FARS2: variants seen among roughly 807,000 people sequenced by gnomAD.
FARS2 encodes phenylalanine--tRNA ligase, mitochondrial.
Under a neutral mutation model 46.4 loss-of-function variants are expected in FARS2, and 40 were observed. That is an observed-to-expected ratio of 0.86 (90% CI 0.67 to 1.12). FARS2 has a LOEUF of 1.12. FARS2 is among the 50% of genes most tolerant of loss of function. The pLI, the probability that FARS2 is intolerant of heterozygous loss-of-function variation, is 0.00. For synonymous variants in FARS2, 234 were observed against 214.9 expected (o/e 1.09, Z -0.78); for missense variants, 513 against 567.9 (o/e 0.90, Z 0.98).
chr6:5,301,802 TACACACACACACACAC>T (rs143654686), intron 1 of FARS2, among the ~76,000 whole-genome samples: 18,126 of 132,392 alleles, frequency 0.14, 2,222 homozygotes, highest in African/African-American at 0.34. Context: ...CACACACACA[TACACACACACACACAC>T]ACACACACAC....
intron 6 of FARS2, among the ~76,000 whole-genome samples, chr6:5,614,486 T>C (rs1775361963): frequency 6.6e-6 from 1 of 151,372 alleles, no homozygotes; most frequent in African/African-American, 2.4e-5. Context: ...CTCGGCTCAC[T>C]GCAAGCTCCG....
chr6:5,624,336 C>A (rs1427587314), intron 6 of FARS2, among the ~76,000 whole-genome samples: 1 of 152,138 alleles, frequency 6.6e-6, no homozygotes, highest in African/African-American at 2.4e-5. Context: ...GTTCAGTCCC[C>A]AAACACCTTG....
At chr6:5,545,422 T>A in intron 5 of FARS2, 82 bp downstream of exon 5, 1 of 967,792 alleles carries the variant, frequency 1.0e-6, no homozygotes, top group East Asian at 2.6e-5. Flanking sequence ...TGAAAGCCAC[T>A]GAATTTTATT....
intron 6 of FARS2, among the ~76,000 whole-genome samples, chr6:5,658,353 T>G (rs910867324): frequency 6.6e-6 from 1 of 152,212 alleles, no homozygotes; most frequent in Non-Finnish European, 1.5e-5. Context: ...TTATTGTTAT[T>G]ACTTAGCAGA....
intron 5 of FARS2, among the ~76,000 whole-genome samples, chr6:5,592,024 A>G (rs562423212): frequency 6.6e-6 from 1 of 152,334 alleles, no homozygotes; most frequent in African/African-American, 2.4e-5. Context: ...ATTGATGCCA[A>G]AGTGTTTGCA....
intron 6 of FARS2, among the ~76,000 whole-genome samples, chr6:5,639,699 A>G (rs1164296530): frequency 6.6e-6 from 1 of 151,822 alleles, no homozygotes; most frequent in African/African-American, 2.4e-5. Flanking sequence ...AACAGTGCCA[A>G]GCGAGGCTCT....
At chr6:5,680,438 A>T (rs1199774920) in intron 6 of FARS2, among the ~76,000 whole-genome samples, 3 of 152,228 alleles carry the variant, frequency 2.0e-5, no homozygotes, top group African/African-American at 7.2e-5. Context: ...TCTATCAACA[A>T]CACAGGTGAA....
intron 6 of FARS2, among the ~76,000 whole-genome samples, chr6:5,623,984 T>C (rs547439307): frequency 6.6e-6 from 1 of 152,284 alleles, no homozygotes; most frequent in Non-Finnish European, 1.5e-5. Flanking sequence ...TACAGGGAGC[T>C]TGTCAGAAGT....
At chr6:5,360,424 T>A (rs1758225317) in intron 1 of FARS2, among the ~76,000 whole-genome samples, 1 of 152,224 alleles carries the variant, frequency 6.6e-6, no homozygotes, top group Admixed American at 6.5e-5. Flanking sequence ...GGTATACATG[T>A]CTACAGGTAA....
chr6:5,558,798 G>A (rs928513273), intron 5 of FARS2, among the ~76,000 whole-genome samples: 2 of 151,838 alleles, frequency 1.3e-5, no homozygotes, highest in African/African-American at 2.4e-5. Flanking sequence ...TGATCCACCC[G>A]CCTTGGCCTC....
the FARS2 span, among the ~76,000 whole-genome samples, chr6:5,253,252 G>A: frequency 2.0e-5 from 3 of 152,134 alleles, no homozygotes; most frequent in Non-Finnish European, 4.4e-5. Flanking sequence ...TATTTCTTAA[G>A]CTATAAGAGG....
At chr6:5,719,274 T>C (rs1249493874) in intron 6 of FARS2, among the ~76,000 whole-genome samples, 2 of 151,158 alleles carry the variant, frequency 1.3e-5, no homozygotes, top group Non-Finnish European at 3.0e-5. Flanking sequence ...TCCCAGCTAC[T>C]TGGGAGGCTG....
intron 1 of FARS2, among the ~76,000 whole-genome samples, chr6:5,326,399 GCAAAT>G (rs1315868694): frequency 2.6e-5 from 4 of 152,220 alleles, no homozygotes; most frequent in Non-Finnish European, 5.9e-5. Flanking sequence ...TTTCCCTGAA[GCAAAT>G]CATTAACGTC....
chr6:5,432,194 T>TA (rs1763208369), intron 4 of FARS2, among the ~76,000 whole-genome samples: 1 of 147,718 alleles, frequency 6.8e-6, no homozygotes, highest in South Asian at 2.1e-4. Context: ...GGTGCGCCTA[T>TA]AATCCCAGCT....
At chr6:5,487,734 T>G (rs1055347880) in intron 4 of FARS2, among the ~76,000 whole-genome samples, 5 of 152,196 alleles carry the variant, frequency 3.3e-5, no homozygotes, top group African/African-American at 1.2e-4. Flanking sequence ...ACTCAGGGCC[T>G]CCTCTGGAAA....
chr6:5,562,584 T>C (rs1487873595), intron 5 of FARS2, among the ~76,000 whole-genome samples: 1 of 152,044 alleles, frequency 6.6e-6, no homozygotes, highest in African/African-American at 2.4e-5. Flanking sequence ...ACATCTGCCT[T>C]TTCCCTGCCC....
chr6:5,520,768 C>T (rs1281178945), intron 4 of FARS2, among the ~76,000 whole-genome samples: 2 of 151,902 alleles, frequency 1.3e-5, no homozygotes, highest in Non-Finnish European at 1.5e-5. Context: ...GACACATTCT[C>T]AAAGAAATAT....
chr6:5,341,223 ATATATATATATATTTT>A (rs1771595412), intron 1 of FARS2, among the ~76,000 whole-genome samples: 2 of 5,300 alleles, frequency 3.8e-4, no homozygotes, highest in African/African-American at 1.4e-3. Context: ...ATATATATAT[ATATATATATATATTTT>A]TTTTTTTTTT....
At chr6:5,665,807 C>T (rs1778085732) in intron 6 of FARS2, among the ~76,000 whole-genome samples, 1 of 152,178 alleles carries the variant, frequency 6.6e-6, no homozygotes, top group African/African-American at 2.4e-5. Context: ...CCTGGAAGGA[C>T]TCAAATTGGT....
Sources: gnomAD v4.1 joint callset for allele counts (sites outside exome capture counted in the v4.1 genomes callset) on GRCh38, gnomAD v4.1.1 for gene constraint, MANE v1.5 for transcripts, NCBI Gene and HGNC (gene_info 2026-07-23, HGNC 2026-07-21) for gene names.